MEIOSIN: variants seen among roughly 807,000 people sequenced by gnomAD.
MEIOSIN encodes meiosis initiator.
A neutral mutation model predicts 23.4 loss-of-function variants in MEIOSIN; 18 were observed. The observed-to-expected ratio is 0.77, with a 90% CI of 0.53 to 1.14. The LOEUF (loss-of-function observed/expected upper bound fraction) is 1.14. Among genes scored for constraint, MEIOSIN ranks in the 50% most tolerant of loss-of-function variants. MEIOSIN has a pLI of 0.00. For synonymous variants in MEIOSIN, 187 were observed against 100.6 expected (o/e 1.86, Z -5.14); for missense variants, 428 against 242.9 (o/e 1.76, Z -5.07).
At chr19:45,745,079 C>T (rs2084065376) in intron 3 of MEIOSIN, 113 bp from the exon 4 acceptor site, 1 of 657,528 alleles carries the variant, frequency 1.5e-6, no homozygotes, top group Non-Finnish European at 2.8e-6. Flanking sequence ...CCTCGGTGTC[C>T]AGGGTGGGGT....
chr19:45,758,020 G>A (rs976067149), intron 9 of MEIOSIN, among the ~76,000 whole-genome samples: 3 of 149,032 alleles, frequency 2.0e-5, no homozygotes, highest in South Asian at 2.1e-4. Context: ...TTTTTGAGAC[G>A]GAGTTTCACT....
chr19:45,763,475 C>T (rs1251154707), intron 14 of MEIOSIN, 48 bp downstream of exon 14: 1 of 398,466 alleles, frequency 2.5e-6, no homozygotes, highest in Non-Finnish European at 4.4e-6. Context: ...GAAGAGCCTC[C>T]CTACCCCGGA....
intron 4 of MEIOSIN, among the ~76,000 whole-genome samples, chr19:45,749,671 CAA>C (rs71175219): frequency 1.4e-4 from 5 of 34,494 alleles, no homozygotes; most frequent in Non-Finnish European, 2.4e-4. Flanking sequence ...GATTCTGTCT[CAA>C]AAAAAAAAAA....
In MEIOSIN at chr19:45,756,203, C is replaced by A. The variant is rs1239697213; in HGVS notation, c.911+125C>A. 4 of 613,124 alleles carry A rather than the reference C, an allele frequency of 6.5e-6. No individual in the cohort carries two copies. In the East Asian group the frequency reaches 1.1e-4, roughly 17 times the overall value. 38.0% of individuals were successfully genotyped at this position (613,124 alleles called of 1,614,324 possible). ...GGTGCCCCTTGAGCACCAATGGAGGCCCAGCTTTGTGTCTGCCATTGTGAG... is the reference window on the plus strand; with the variant it reads ...GGTGCCCCTTGAGCACCAATGGAGGACCAGCTTTGTGTCTGCCATTGTGAG... On this transcript the variant is annotated intron_variant, in intron 8 of 14. Transcript: ENST00000457052.
rs1229972152 is a variant in MEIOSIN, at chr19:45,749,648, G to T, written c.307-1027G>T. Among the ~76,000 whole-genome samples the T allele has an allele frequency of 2.4e-5, 3 of 125,408 alleles. No individual in the cohort carries two copies. In the Admixed American group the frequency reaches 3.1e-4, roughly 13 times the overall value. 82.3% of individuals were successfully genotyped at this position (125,408 alleles called of 152,430 possible). A position where few individuals can be genotyped will look rare whatever the true frequency, so the allele number is the denominator to read the frequency against. On this transcript the variant is annotated intron_variant, in intron 4 of 14. Coordinates refer to ENST00000457052, the MANE Select transcript of MEIOSIN (RefSeq NM_001310124.2). ...GATTGCGCCACTGCACTCCATCCTGGGCGACAGAACAAGATTCTGTCTCAA... is the reference window on the plus strand; with the variant it reads ...GATTGCGCCACTGCACTCCATCCTGTGCGACAGAACAAGATTCTGTCTCAA...
intron 11 of MEIOSIN, 74 bp downstream of exon 11, chr19:45,759,564 C>A: frequency 1.4e-6 from 1 of 690,612 alleles, no homozygotes; most frequent in South Asian, 1.5e-5. Context: ...TGGCTTCATT[C>A]ACTCATCCAC....
chr19:45,751,263 C>A (rs1968699233), intron 5 of MEIOSIN, among the ~76,000 whole-genome samples: 1 of 120,908 alleles, frequency 8.3e-6, no homozygotes, highest in African/African-American at 3.1e-5. Flanking sequence ...CAGAGCAAGA[C>A]TGTGTCTCAA....
chr19:45,753,521 T>C (rs1968755571), intron 5 of MEIOSIN, 130 bp from the exon 6 acceptor site: 1 of 588,748 alleles, frequency 1.7e-6, no homozygotes, highest in African/African-American at 1.9e-5. Flanking sequence ...GCCCTCAGTT[T>C]CCACACTGTA....
In MEIOSIN at chr19:45,750,728, C is replaced by T. The variant is rs946155748; in HGVS notation, c.360C>T (p.Ile120=). The part of the protein sequence containing the change: ...LQYIQYLQRN[I]DAAKALFKCH... ...ACATTCAGTACCTCCAGAGAAACAT[C>T]GATGCCGCCAAGGCCTTGTTCAAAT... Residue 120 remains isoleucine (I), a synonymous_variant, in exon 5 of 15, where the codon ATC becomes ATT. Transcript: ENST00000457052. 3.1e-6 allele frequency: 2 copies of T among 644,482 alleles called. No homozygotes were observed. Among genetic ancestry groups the T allele is most frequent in the East Asian group, 3.0e-5 (1 of 33,388 alleles). The allele number at this position is 644,482 out of a possible 1,614,324, so 39.9% of individuals were successfully genotyped here.
intron 4 of MEIOSIN, among the ~76,000 whole-genome samples, chr19:45,745,785 C>G (rs1271697464): frequency 6.6e-6 from 1 of 152,052 alleles, no homozygotes; most frequent in Non-Finnish European, 1.5e-5. Context: ...TTGGTCAGGC[C>G]GGTCTCAAAT....
At chr19:45,744,004 A>C (rs537570980) in intron 3 of MEIOSIN, among the ~76,000 whole-genome samples, 2 of 150,778 alleles carry the variant, frequency 1.3e-5, no homozygotes, top group African/African-American at 4.9e-5. Context: ...CACACTTGCC[A>C]CTTAGCATTT....
chr19:45,755,096 G>T (rs1321825356), intron 7 of MEIOSIN, among the ~76,000 whole-genome samples: 1 of 152,086 alleles, frequency 6.6e-6, no homozygotes, highest in Non-Finnish European at 1.5e-5. Flanking sequence ...GTCGGAGCTC[G>T]AGGCTTTGAG....
Position 45,741,882 on chromosome 19 carries a change from A to T in MEIOSIN, c.176+2152A>T, listed in dbSNP as rs568679638. ...TATTTTATTTATTATTTATTTATTT[A>T]TTTTTTGAGACGGAGCTTTTGCTCT... On this transcript the variant is annotated intron_variant, in intron 3 of 14. Transcript: ENST00000457052. Among the ~76,000 whole-genome samples the T allele has an allele frequency of 4.3e-3, 653 of 151,894 alleles. 10 individuals carry two copies. The highest frequency in any genetic ancestry group is 0.015 in the African/African-American group (615 of 41,492).
At position 45,755,989 on chromosome 19, in the gene MEIOSIN, T is replaced by C; in HGVS notation, c.822T>C (p.Ser274=). ...CDISSCWCQG[S]VQDDAPFPAL... ...CCTTAGGCTGCTGGTGCCAGGGCAG[T>C]GTCCAGGATGACGCACCTTTCCCTG... Residue 274 remains serine (S), a synonymous_variant, in exon 8 of 15, where the codon AGT becomes AGC. Coordinates refer to ENST00000457052, the MANE Select transcript of MEIOSIN (RefSeq NM_001310124.2). The C allele has an allele frequency of 1.4e-6, 1 of 702,766 alleles. No homozygotes were observed. Among genetic ancestry groups the C allele is most frequent in the Non-Finnish European group, 2.6e-6 (1 of 384,998 alleles). 43.5% of individuals were successfully genotyped at this position (702,766 alleles called of 1,614,324 possible).
intron 8 of MEIOSIN, 102 bp from the exon 9 acceptor site, chr19:45,757,075 C>T (rs1968844647): frequency 3.1e-6 from 2 of 634,988 alleles, no homozygotes; most frequent in African/African-American, 3.6e-5. Flanking sequence ...GCTTTACACC[C>T]CCAGCACTCC....
rs1417697126 is a variant in MEIOSIN, at chr19:45,762,047, G to A, written c.1543G>A (p.Ala515Thr). The change falls in exon 13 of 15, where the codon GCC (alanine) becomes ACC (threonine). Residue 515 changes from alanine to threonine, a missense_variant. Coordinates refer to ENST00000457052, the MANE Select transcript of MEIOSIN (RefSeq NM_001310124.2). ...ASPLLAAEKK[A>T]TKGQVARAPV... is the part of the protein sequence containing the mutation. ...ACCCCTGCTGGCAGCTGAGAAAAAG[G>A]CCACGAAGGGCCAAGTAGCCAGGGC... is the stretch of plus-strand genomic sequence containing the variant. 8.3e-6 allele frequency: 4 copies of A among 484,826 alleles called. No individual in the cohort carries two copies. The highest frequency in any genetic ancestry group is 1.5e-5 in the Non-Finnish European group (4 of 274,294). 30.0% of individuals were successfully genotyped at this position (484,826 alleles called of 1,614,324 possible).
chr19:45,751,499 T>C (rs954642297), intron 5 of MEIOSIN, among the ~76,000 whole-genome samples: 1 of 151,424 alleles, frequency 6.6e-6, no homozygotes, highest in Non-Finnish European at 1.5e-5. Flanking sequence ...CGTATTTTAT[T>C]TATTTATTTG....
At chr19:45,762,760 C>G (rs888848055) in intron 13 of MEIOSIN, among the ~76,000 whole-genome samples, 1 of 152,158 alleles carries the variant, frequency 6.6e-6, no homozygotes, top group Non-Finnish European at 1.5e-5. Context: ...AATGAATTGG[C>G]TTATATAACC....
chr19:45,744,406 A>T (rs1968557067), intron 3 of MEIOSIN, among the ~76,000 whole-genome samples: 1 of 152,082 alleles, frequency 6.6e-6, no homozygotes, highest in Admixed American at 6.6e-5. Context: ...GCAGTCACAT[A>T]GGGCCCTGTG....
Sources: allele counts gnomAD v4.1 joint callset (sites outside exome capture counted in the v4.1 genomes callset), GRCh38; gene constraint gnomAD v4.1.1; transcripts MANE v1.5; gene names NCBI Gene and HGNC (gene_info 2026-07-23, HGNC 2026-07-21).